Variants in SNAPC4 observed in about 807,000 individuals in gnomAD.
SNAPC4 encodes the protein small nuclear RNA activating complex polypeptide 4, also known as snRNA-activating protein complex subunit 4.
Under a neutral mutation model 151.3 loss-of-function variants are expected in SNAPC4, and 127 were observed. The ratio of observed to expected loss-of-function variants is 0.84; its 90% CI spans 0.73 to 0.97. The LOEUF is 0.97. SNAPC4 is among the 50% of genes least tolerant of loss of function. The pLI, the probability that SNAPC4 is intolerant of heterozygous loss-of-function variation, is 0.00. For missense variants in SNAPC4, 2,186 were observed against 1,935.0 expected (o/e 1.13, Z -2.43); for synonymous variants, 1,002 against 824.4 (o/e 1.22, Z -3.69).
chr9:136,384,701 C>T lies in SNAPC4; in HGVS notation c.1420+19G>A. On this transcript the variant is annotated intron_variant, in intron 14 of 23. Transcript: ENST00000684778. ...AAACAAAAAAAAGAAACTAGAAGAACAAACTGTCAGCAACTTACCGACACC... is the reference window on the plus strand; with the variant it reads ...AAACAAAAAAAAGAAACTAGAAGAATAAACTGTCAGCAACTTACCGACACC... The T allele has an allele frequency of 8.1e-7, 1 of 1,229,130 alleles. No individual in the cohort carries two copies. The highest frequency in any genetic ancestry group is 1.2e-6 in the Non-Finnish European group (1 of 856,340). The allele number at this position is 1,229,130 out of a possible 1,614,324, so 76.1% of individuals were successfully genotyped here.
intron 6 of SNAPC4, 87 bp downstream of exon 6, chr9:136,394,713 G>T: frequency 8.1e-7 from 1 of 1,237,008 alleles, no homozygotes; most frequent in South Asian, 1.3e-5. Context: ...AGAGAGGTCT[G>T]AGAACTTGGG....
At chr9:136,395,581 G>A (rs760569416) in intron 4 of SNAPC4, 22 bp downstream of exon 4, 60 of 1,595,528 alleles carry the variant, frequency 3.8e-5, no homozygotes, top group Admixed American at 1.7e-4. Flanking sequence ...TGTGGGCACC[G>A]GGGGGCCGAG....
Position 136,395,370 on chromosome 9 carries a change from G to T in SNAPC4, c.399C>A (p.Gly133=). Residue 133 remains glycine (G), a synonymous_variant, in exon 5 of 24, where the codon GGC becomes GGA. Coordinates refer to ENST00000684778, the MANE Select transcript of SNAPC4 (RefSeq NM_003086.4). ...AGSKGTKVKD[G]KSLPPSTYMG... The stretch of plus-strand genomic sequence containing the variant: ...TGTATGTGCTTGGGGGCAGGCTTTT[G>T]CCATCTTTCACCTTGGTGCCTTTGG... The T allele has an allele frequency of 6.2e-7, 1 of 1,613,614 alleles. No individual in the cohort carries two copies.
chr9:136,383,958 T>G lies in SNAPC4; in HGVS notation c.1495A>C (p.Met499Leu). The change falls in exon 15 of 24, where the codon ATG becomes CTG. Residue 499 changes from methionine (M) to leucine (L), a missense_variant. Coordinates refer to ENST00000684778, the MANE Select transcript of SNAPC4 (RefSeq NM_003086.4). The surrounding 1 kb of genome is among the most constrained non-coding windows in gnomAD (Gnocchi z 4.2). Reference sequence around the variant, plus strand: ...AGAAGGAGCGAGTGGCTCACCCCCATCATGATCTTCCACTTGCTCAGACAC... The same window carrying G: ...AGAAGGAGCGAGTGGCTCACCCCCAGCATGATCTTCCACTTGCTCAGACAC... ...SQCLSKWKIM[M>L]GKKQGLRRRR... 1 of 1,609,498 alleles carries G rather than the reference T, an allele frequency of 6.2e-7. No individual in the cohort carries two copies. Among genetic ancestry groups the G allele is most frequent in the Non-Finnish European group, 8.5e-7 (1 of 1,177,514 alleles).
At chr9:136,391,574 A>G (rs907096343) in intron 10 of SNAPC4, among the ~76,000 whole-genome samples, 1 of 152,264 alleles carries the variant, frequency 6.6e-6, no homozygotes, top group African/African-American at 2.4e-5. Flanking sequence ...TCAGGAAACC[A>G]GAAAAGCGGC....
intron 23 of SNAPC4, among the ~76,000 whole-genome samples, 154 bp downstream of exon 23, chr9:136,376,195 C>T (rs1372895542): frequency 6.6e-6 from 1 of 152,170 alleles, no homozygotes; most frequent in Admixed American, 6.5e-5. Flanking sequence ...TGCTTCTCCC[C>T]CTGGAGGGCC....
In SNAPC4 at chr9:136,392,437, G is replaced by A. The variant is rs556909308; in HGVS notation, c.810+85C>T. ...AGAACCTGTTGCCAGGGAGGGTGTG[G>A]CCTTACCACCCAATTCCAACTGCAC... On this transcript the variant is annotated intron_variant, in intron 9 of 23. Transcript: ENST00000684778. 2.0e-5 allele frequency: 27 copies of A among 1,326,982 alleles called. No homozygotes were observed. The South Asian group carries it at 2.4e-4, about 12-fold the overall frequency. 82.2% of individuals were successfully genotyped at this position (1,326,982 alleles called of 1,614,324 possible).
At chr9:136,380,407 G>A (rs1833645316) in intron 20 of SNAPC4, among the ~76,000 whole-genome samples, 1 of 152,204 alleles carries the variant, frequency 6.6e-6, no homozygotes, top group African/African-American at 2.4e-5. Flanking sequence ...GGGGCTCAAG[G>A]GTGAGGAGGC....
Position 136,383,905 on chromosome 9 carries a change from G to A in SNAPC4, c.1500+48C>T, listed in dbSNP as rs769276365. On this transcript the variant is annotated intron_variant, in intron 15 of 23. Transcript: ENST00000684778. This position sits in a 1 kb window ranked among gnomAD's most constrained non-coding sequence, Gnocchi z 4.2. ...CTCCTGCCTGCTGGACCCCCCAGTT[G>A]ACCAGGCCATTGTCTGGTTTCAGAT... 6 of 1,477,300 alleles carry A rather than the reference G, an allele frequency of 4.1e-6. No homozygotes were observed. The highest frequency in any genetic ancestry group is 2.8e-5 in the African/African-American group (2 of 72,200). The allele number at this position is 1,477,300 out of a possible 1,614,324, so 91.5% of individuals were successfully genotyped here. A position where few individuals can be genotyped will look rare whatever the true frequency, so the allele number is the denominator to read the frequency against.
chr9:136,398,001 C>G (rs1241090977), intron 2 of SNAPC4, among the ~76,000 whole-genome samples: 1 of 152,128 alleles, frequency 6.6e-6, no homozygotes, highest in Non-Finnish European at 1.5e-5. Flanking sequence ...AGCTCTCTGG[C>G]TGGAGTACAG....
intron 13 of SNAPC4, among the ~76,000 whole-genome samples, chr9:136,386,761 TAATA>T (rs1833903708): frequency 6.7e-6 from 1 of 149,876 alleles, no homozygotes; most frequent in Non-Finnish European, 1.5e-5. Context: ...ATTAATTAAT[TAATA>T]TTTTTTTGAG....
At chr9:136,387,221 G>T (rs556817247) in intron 13 of SNAPC4, among the ~76,000 whole-genome samples, 2 of 152,202 alleles carry the variant, frequency 1.3e-5, no homozygotes, top group Non-Finnish European at 2.9e-5. Context: ...AGCCGCCCAG[G>T]GAGCTGTCTC....
chr9:136,387,684 T>C (rs1381983355), intron 12 of SNAPC4, 58 bp downstream of exon 12: 6 of 1,395,844 alleles, frequency 4.3e-6, no homozygotes, highest in Non-Finnish European at 6.1e-6. Flanking sequence ...CAGCAGCCGC[T>C]GAACACAGCC....
chr9:136,376,928 G>A (rs1271802294), intron 22 of SNAPC4, among the ~76,000 whole-genome samples: 2 of 152,224 alleles, frequency 1.3e-5, no homozygotes, highest in Non-Finnish European at 2.9e-5. Flanking sequence ...TCCAGCTGAG[G>A]CTGCCTGCTT....
intron 20 of SNAPC4, among the ~76,000 whole-genome samples, chr9:136,380,228 G>T (rs985381044): frequency 1.3e-5 from 2 of 151,702 alleles, no homozygotes; most frequent in Non-Finnish European, 2.9e-5. Context: ...CCCTGCCAGT[G>T]CAGCTCCTCC....
chr9:136,377,284 T>C (rs1295545388), intron 22 of SNAPC4, among the ~76,000 whole-genome samples: 1 of 152,298 alleles, frequency 6.6e-6, no homozygotes, highest in Admixed American at 6.5e-5. Context: ...CTGGGCAGCA[T>C]CAGGATGGCC....
Position 136,378,510 on chromosome 9 carries a change from G to C in SNAPC4, c.3317C>G (p.Ala1106Gly). Residue 1106 changes from alanine to glycine, a missense_variant, in exon 22 of 24, where the codon GCA (alanine) becomes GGA (glycine). Transcript: ENST00000684778. ...LPRPAGTPGPAGLLATLLPPL... is the reference protein window; with the variant it reads ...LPRPAGTPGPGGLLATLLPPL... ...AGGCAGCAGAGTGGCCAGCAGCCCT[G>C]CGGGGCCAGGGGTCCCTGCTGGCCT... The C allele has an allele frequency of 3.8e-6, 6 of 1,591,808 alleles. No homozygotes were observed. Among genetic ancestry groups the C allele is most frequent in the Non-Finnish European group, 5.1e-6 (6 of 1,174,884 alleles).
At chr9:136,384,641 CTGTCTT>C in intron 14 of SNAPC4, 73 bp downstream of exon 14, 1 of 738,992 alleles carries the variant, frequency 1.4e-6, no homozygotes, top group East Asian at 2.9e-5. Context: ...AGAGCTTGCT[CTGTCTT>C]TATCTTGATC....
Position 136,382,027 on chromosome 9 carries a change from A to G in SNAPC4, c.2114T>C (p.Val705Ala). ...QPPLPTSSPG[V>A]SSGDSVARSH... ...TCGGGCCACGCTGTCACCAGAGCTG[A>G]CCCCTGGGGATGAGGTGGGCAGGGG... Residue 705 changes from valine (V) to alanine (A), a missense_variant, in exon 18 of 24, where the codon GTC becomes GCC. By Grantham distance (64) the Val-to-Ala change is moderately conservative. Transcript: ENST00000684778. 1.2e-6 allele frequency: 2 copies of G among 1,605,314 alleles called. No homozygotes were observed. Among genetic ancestry groups the G allele is most frequent in the African/African-American group, 2.7e-5 (2 of 74,808 alleles).
Sources: allele counts gnomAD v4.1 joint callset (sites outside exome capture counted in the v4.1 genomes callset), GRCh38; gene constraint gnomAD v4.1.1; non-coding constraint Gnocchi (gnomAD v3.1); transcripts MANE v1.5; gene names NCBI Gene and HGNC (gene_info 2026-07-23, HGNC 2026-07-21).